The following GPC6 variants were observed in gnomAD, a reference collection of about 807,000 sequenced individuals.
GPC6 encodes the protein glypican-6.
In GPC6, 14 loss-of-function variants were observed where a neutral mutation model predicts 55.2. The observed-to-expected ratio is 0.25, with a 90% CI of 0.17 to 0.40. The LOEUF is 0.40. Among genes scored for constraint, GPC6 ranks in the 10% least tolerant of loss-of-function variants. GPC6 has a pLI of 1.00. For missense variants in GPC6, 641 were observed against 708.5 expected, an observed-to-expected ratio of 0.90 and a Z score of 1.08; for synonymous variants, 278 against 259.6, an observed-to-expected ratio of 1.07 and a Z score of -0.68.
At chr13:93,516,538 C>A (rs1234920811) in intron 1 of GPC6, among the ~76,000 whole-genome samples, 5 of 151,748 alleles carry the variant, frequency 3.3e-5, no homozygotes, top group African/African-American at 1.2e-4. Flanking sequence ...GTTTTCAACA[C>A]CAGTAAAAGG....
Position 93,558,496 on chromosome 13 carries a change from G to A in GPC6, c.319+13075G>A, listed in dbSNP as rs530018207. 3.3e-5 allele frequency among the ~76,000 whole-genome samples: 5 copies of A among 152,260 alleles called. No homozygotes were observed. In the East Asian group the frequency reaches 5.8e-4, roughly 18 times the overall value. ...CTGTCTTGAAGGTTAGGAAGGATTC[G>A]AAACATGGAAATAGGATTGAAGGCA... On this transcript the variant is annotated intron_variant, in intron 2 of 8. Coordinates refer to ENST00000377047, the MANE Select transcript of GPC6 (RefSeq NM_005708.5).
intron 1 of GPC6, among the ~76,000 whole-genome samples, chr13:93,233,922 C>A (rs1876145261): frequency 6.6e-6 from 1 of 152,176 alleles, no homozygotes; most frequent in African/African-American, 2.4e-5. Context: ...CACAGCAGAC[C>A]TGAACCTTTA....
rs904511366 is a variant in GPC6, at chr13:93,381,292, G to A, written c.160+153676G>A. 7.2e-5 allele frequency among the ~76,000 whole-genome samples: 11 copies of A among 152,040 alleles called. 1 individual carries two copies. The highest frequency in any genetic ancestry group is 2.7e-4 in the African/African-American group (11 of 41,420). On this transcript the variant is annotated intron_variant, in intron 1 of 8. Coordinates refer to ENST00000377047, the MANE Select transcript of GPC6 (RefSeq NM_005708.5). The stretch of plus-strand genomic sequence containing the variant: ...GGACATTGTGCTCTTACTCAGAACT[G>A]ATAGTGTCATTGCTCAAGGCAAAAT...
intron 6 of GPC6, among the ~76,000 whole-genome samples, chr13:94,341,798 G>A (rs1005859835): frequency 6.6e-6 from 1 of 152,136 alleles, no homozygotes; most frequent in Non-Finnish European, 1.5e-5. Context: ...CCCGAGTAAG[G>A]TTTCAGTTCA....
chr13:93,800,185 A>C (rs1886326278), intron 2 of GPC6, among the ~76,000 whole-genome samples: 1 of 152,216 alleles, frequency 6.6e-6, no homozygotes, highest in African/African-American at 2.4e-5. Context: ...ATGACAAAAT[A>C]ACTTGAAGTG....
intron 6 of GPC6, among the ~76,000 whole-genome samples, chr13:94,337,355 A>G (rs926178049): frequency 3.3e-5 from 5 of 152,094 alleles, no homozygotes; most frequent in African/African-American, 9.7e-5. Context: ...TAAATTCACA[A>G]CCTGGTTAGG....
rs115234769 is a variant in GPC6, at chr13:93,919,169, A to T, written c.711+88624A>T. Reference sequence around the variant, plus strand: ...TTGTCATGACTGTAAACTCCCTGAGACCTGACCAGAAGCTAAGCACATGTT... The same window carrying T: ...TTGTCATGACTGTAAACTCCCTGAGTCCTGACCAGAAGCTAAGCACATGTT... On this transcript the variant is annotated intron_variant, in intron 3 of 8. Transcript: ENST00000377047. Among the ~76,000 whole-genome samples the T allele has an allele frequency of 5.1e-3, 770 of 152,276 alleles. 7 individuals carry two copies. Among genetic ancestry groups the T allele is most frequent in the African/African-American group, 0.018 (736 of 41,548 alleles).
At chr13:93,519,979 T>C (rs1881347710) in intron 1 of GPC6, among the ~76,000 whole-genome samples, 1 of 152,002 alleles carries the variant, frequency 6.6e-6, no homozygotes, top group African/African-American at 2.4e-5. Context: ...CTGCAAGACT[T>C]ATTTGACATC....
intron 1 of GPC6, among the ~76,000 whole-genome samples, chr13:93,376,790 T>G (rs929212111): frequency 2.0e-5 from 3 of 151,852 alleles, no homozygotes; most frequent in Non-Finnish European, 4.4e-5. Flanking sequence ...TTTTTTTTTT[T>G]TGTGAGCAGT....
intron 6 of GPC6, among the ~76,000 whole-genome samples, chr13:94,306,970 C>T (rs1301584862): frequency 1.3e-5 from 2 of 152,180 alleles, no homozygotes; most frequent in African/African-American, 4.8e-5. Context: ...CCACATCTGA[C>T]TGTGTCATAT....
At chr13:94,305,001 A>C (rs903172603) in intron 5 of GPC6, among the ~76,000 whole-genome samples, 1 of 152,242 alleles carries the variant, frequency 6.6e-6, no homozygotes, top group Admixed American at 6.5e-5. Flanking sequence ...TGTGCTATAC[A>C]ATGAAATAAT....
At chr13:93,672,680 CAT>C (rs200452814) in intron 2 of GPC6, among the ~76,000 whole-genome samples, 107 of 147,648 alleles carry the variant, frequency 7.2e-4, no homozygotes, top group East Asian at 2.4e-3. Flanking sequence ...CACACACAAA[CAT>C]ATATATATAT....
intron 1 of GPC6, chr13:93,395,415 C>A: frequency 3.5e-6 from 1 of 286,326 alleles, no homozygotes; most frequent in Admixed American, 3.7e-5. Context: ...TCAAAAGTTA[C>A]AGAAGCAAAG....
At chr13:93,372,220 A>T (rs1368498979) in intron 1 of GPC6, among the ~76,000 whole-genome samples, 1 of 126,054 alleles carries the variant, frequency 7.9e-6, no homozygotes, top group African/African-American at 2.5e-5. Flanking sequence ...TATAATATCT[A>T]AAAAAGATTT....
chr13:93,390,769 G>GT lies in GPC6; in HGVS notation c.161-154485dup, dbSNP rs200821891. On this transcript the variant is annotated intron_variant, in intron 1 of 8. Transcript: ENST00000377047. ...AGCCTTTTGTCAGCTTGCATGTATA[G>GT]TTTTTTTTTCTTTTTGTTTAATTAC... Among the ~76,000 whole-genome samples the GT allele has an allele frequency of 8.7e-3, 1,296 of 148,748 alleles. 15 individuals are homozygous for GT. The highest frequency in any genetic ancestry group is 0.028 in the African/African-American group (1,141 of 40,426).
intron 4 of GPC6, among the ~76,000 whole-genome samples, chr13:94,029,460 A>G (rs1221681654): frequency 6.6e-6 from 1 of 152,196 alleles, no homozygotes. Flanking sequence ...AATAAACTTG[A>G]TCTTAGAAGA....
At chr13:93,736,029 G>A (rs971029505) in intron 2 of GPC6, among the ~76,000 whole-genome samples, 4 of 152,164 alleles carry the variant, frequency 2.6e-5, no homozygotes, top group African/African-American at 9.7e-5. Context: ...ATCCTGAAAA[G>A]GATTTTTTAA....
At chr13:94,010,059 G>T (rs1272351537) in intron 3 of GPC6, among the ~76,000 whole-genome samples, 3 of 152,000 alleles carry the variant, frequency 2.0e-5, no homozygotes, top group Non-Finnish European at 2.9e-5. Context: ...AAATACCTTC[G>T]AAGCCTGCAA....
intron 1 of GPC6, among the ~76,000 whole-genome samples, chr13:93,472,401 G>A (rs1234907262): frequency 6.6e-6 from 1 of 152,184 alleles, no homozygotes; most frequent in East Asian, 1.9e-4. Context: ...GTGGTGAGGG[G>A]TGTGTGAGCA....
Sources: gnomAD v4.1 joint callset for allele counts (sites outside exome capture counted in the v4.1 genomes callset) on GRCh38, gnomAD v4.1.1 for gene constraint, MANE v1.5 for transcripts, NCBI Gene and HGNC (gene_info 2026-07-23, HGNC 2026-07-21) for gene names.